The following GLDC variants were observed in gnomAD, a reference collection of about 807,000 sequenced individuals.
GLDC encodes the protein glycine dehydrogenase (decarboxylating), mitochondrial.
A neutral mutation model predicts 121.3 loss-of-function variants in GLDC; 104 were observed. The ratio of observed to expected loss-of-function variants is 0.86; its 90% confidence interval spans 0.73 to 1.01. GLDC has a LOEUF of 1.01. Among genes scored for constraint, GLDC ranks in the 50% least tolerant of loss-of-function variants. The probability of loss-of-function intolerance (pLI) is 0.00; values close to 1 mark genes in which losing one functional copy is unlikely to be tolerated. For missense variants in GLDC, 1,429 were observed against 1,306.6 expected (o/e 1.09, Z -1.44); for synonymous variants, 546 against 480.6 (o/e 1.14, Z -1.78).
At chr9:6,621,751 C>T (rs1379245229) in intron 2 of GLDC, among the ~76,000 whole-genome samples, 13 of 152,144 alleles carry the variant, frequency 8.5e-5, no homozygotes, top group African/African-American at 1.7e-4. Context: ...CTTCTGACTT[C>T]GTGATCCGCC....
At chr9:6,533,356 CCT>C (rs1817042112) in intron 24 of GLDC, among the ~76,000 whole-genome samples, 196 bp from the exon 25 acceptor site, 1 of 152,138 alleles carries the variant, frequency 6.6e-6, no homozygotes, top group Non-Finnish European at 1.5e-5. Flanking sequence ...GATCACCACC[CCT>C]GTTAAGCATC....
At chr9:6,575,410 T>C (rs1430816788) in intron 15 of GLDC, among the ~76,000 whole-genome samples, 1 of 152,198 alleles carries the variant, frequency 6.6e-6, no homozygotes, top group Non-Finnish European at 1.5e-5. Context: ...CCAAACGAGC[T>C]GCCTCAGCAT....
At chr9:6,622,380 T>C (rs1819121058) in intron 2 of GLDC, among the ~76,000 whole-genome samples, 1 of 146,836 alleles carries the variant, frequency 6.8e-6, no homozygotes, top group Non-Finnish European at 1.5e-5. Flanking sequence ...TGCCTGCGAT[T>C]GCAGGCACGC....
chr9:6,555,649 G>A (rs1207694088), intron 18 of GLDC, among the ~76,000 whole-genome samples: 1 of 151,944 alleles, frequency 6.6e-6, no homozygotes, highest in Non-Finnish European at 1.5e-5. Flanking sequence ...AAAATTAGCT[G>A]GGTGTGGCAG....
At chr9:6,573,159 C>CTAGG (rs1817997745) in intron 15 of GLDC, among the ~76,000 whole-genome samples, 1 of 152,118 alleles carries the variant, frequency 6.6e-6, no homozygotes, top group African/African-American at 2.4e-5. Context: ...CCTGTAATCC[C>CTAGG]AGCTACTAGG....
intron 3 of GLDC, among the ~76,000 whole-genome samples, chr9:6,614,787 T>C (rs556943852): frequency 3.7e-4 from 56 of 152,264 alleles, no homozygotes; most frequent in South Asian, 1.5e-3. Context: ...GTGAACCTCA[T>C]AGAGTGTACT....
At chr9:6,620,536 C>G (rs1299842540) in intron 2 of GLDC, among the ~76,000 whole-genome samples, 1 of 151,840 alleles carries the variant, frequency 6.6e-6, no homozygotes, top group Non-Finnish European at 1.5e-5. Flanking sequence ...AGGTTGGCCC[C>G]CCCATCACTG....
At chr9:6,580,868 C>G (rs941737879) in intron 15 of GLDC, among the ~76,000 whole-genome samples, 1 of 152,228 alleles carries the variant, frequency 6.6e-6, no homozygotes, top group Non-Finnish European at 1.5e-5. Context: ...TTATATAATA[C>G]TTATTATCCA....
chr9:6,535,163 A>G (rs1817098218), intron 23 of GLDC, among the ~76,000 whole-genome samples: 1 of 152,106 alleles, frequency 6.6e-6, no homozygotes. Flanking sequence ...ATGTTAATAA[A>G]CTGCATATAG....
intron 20 of GLDC, among the ~76,000 whole-genome samples, chr9:6,552,432 T>C (rs1030271766): frequency 6.6e-6 from 1 of 152,248 alleles, no homozygotes; most frequent in African/African-American, 2.4e-5. Flanking sequence ...ACCTTTATTC[T>C]GATTGCTTGT....
chr9:6,592,876 T>C lies in GLDC; in HGVS notation c.1376A>G (p.Asn459Ser). The C allele has an allele frequency of 6.2e-7, 1 of 1,613,790 alleles. No individual in the cohort carries two copies. Among genetic ancestry groups the C allele is most frequent in the Non-Finnish European group, 8.5e-7 (1 of 1,179,976 alleles). Residue 459 changes from asparagine to serine, a missense_variant, in exon 10 of 25, where the codon AAT becomes AGT. Physicochemically the swap from Asn to Ser is conservative, Grantham distance 46. Transcript: ENST00000321612. Reference protein sequence around the residue: ...VLGRAAQRQINFRLFEDGTLG... With the variant: ...VLGRAAQRQISFRLFEDGTLG... ...TGTGCCATCCTCAAAAAGCCGAAAA[T>C]TGATCTGCCGCTGAGCGGCCCTGCC...
chr9:6,543,092 C>G (rs984083539), intron 21 of GLDC, among the ~76,000 whole-genome samples: 2 of 151,776 alleles, frequency 1.3e-5, no homozygotes, highest in African/African-American at 4.8e-5. Flanking sequence ...GCCTGGGCAA[C>G]AAAGCAAGAC....
chr9:6,548,986 G>A (rs890907014), intron 21 of GLDC, among the ~76,000 whole-genome samples: 8 of 151,738 alleles, frequency 5.3e-5, no homozygotes, highest in African/African-American at 1.7e-4. Flanking sequence ...TCTCCTTCCC[G>A]ACCTCCATCC....
chr9:6,585,899 C>CTAT (rs1170236539), intron 15 of GLDC, among the ~76,000 whole-genome samples: 1,986 of 94,212 alleles, frequency 0.021, 32 homozygotes, highest in African/African-American at 0.06. Context: ...TATCATCTGT[C>CTAT]CATCGGTCCA....
At chr9:6,612,553 G>T (rs1206192507) in intron 3 of GLDC, among the ~76,000 whole-genome samples, 1 of 151,782 alleles carries the variant, frequency 6.6e-6, no homozygotes, top group Non-Finnish European at 1.5e-5. Context: ...GGCAACATAT[G>T]AGACCTCACC....
intron 3 of GLDC, among the ~76,000 whole-genome samples, chr9:6,611,352 T>C (rs1439828633): frequency 1.3e-5 from 2 of 152,168 alleles, no homozygotes; most frequent in South Asian, 2.1e-4. Context: ...GGTCAGGAGA[T>C]CGAGACCATC....
chr9:6,570,368 A>T (rs1817936154), intron 15 of GLDC, among the ~76,000 whole-genome samples: 1 of 152,250 alleles, frequency 6.6e-6, no homozygotes, highest in African/African-American at 2.4e-5. Context: ...TTGAATTACT[A>T]AATATCTAGA....
intron 15 of GLDC, among the ~76,000 whole-genome samples, chr9:6,586,122 C>T (rs1453764960): frequency 6.6e-6 from 1 of 151,950 alleles, no homozygotes; most frequent in African/African-American, 2.4e-5. Context: ...ATGGAGAAAC[C>T]CCATCTCTAC....
At chr9:6,571,560 G>T (rs1817968521) in intron 15 of GLDC, among the ~76,000 whole-genome samples, 2 of 152,124 alleles carry the variant, frequency 1.3e-5, no homozygotes, top group African/African-American at 2.4e-5. Flanking sequence ...TAACATAGCA[G>T]TTGATCTGGT....
Sources: allele counts gnomAD v4.1 joint callset (sites outside exome capture counted in the v4.1 genomes callset), GRCh38; gene constraint gnomAD v4.1.1; transcripts MANE v1.5; gene names NCBI Gene and HGNC (gene_info 2026-07-23, HGNC 2026-07-21).